Variants in HEATR5A observed in about 807,000 individuals in gnomAD.
HEATR5A encodes HEAT repeat-containing protein 5A.
A neutral mutation model predicts 218.8 loss-of-function variants in HEATR5A; 178 were observed. The observed-to-expected ratio is 0.81, with a 90% CI of 0.72 to 0.92. The LOEUF is 0.92. Ranked by LOEUF, HEATR5A falls within the 40% of genes least tolerant of loss-of-function variation. The probability of loss-of-function intolerance (pLI) is 0.00; values close to 1 mark genes in which losing one functional copy is unlikely to be tolerated. For missense variants in HEATR5A, 2,420 were observed against 2,418.9 expected, an observed-to-expected ratio of 1.00 and a Z score of -0.01; for synonymous variants, 864 against 871.6, an observed-to-expected ratio of 0.99 and a Z score of 0.15.
In HEATR5A at chr14:31,347,782, G is replaced by A. The variant is rs1192643258; in HGVS notation, c.2834C>T (p.Thr945Ile). The A allele has an allele frequency of 6.2e-7, 1 of 1,611,778 alleles. No individual in the cohort carries two copies. The highest frequency in any genetic ancestry group is 8.5e-7 in the Non-Finnish European group (1 of 1,179,076). ...AGGAGAAGTGCTGTCCTGCGCCAAA[G>A]TATAAAGGATTCCAATACAAGAATT... The part of the protein sequence containing the change: ...HLNSCIGILY[T>I]LAQDSTSPDV... Residue 945 changes from threonine (T) to isoleucine (I), a missense_variant, in exon 19 of 36, where the codon ACT becomes ATT. Physicochemically the swap from Thr to Ile is moderately conservative, Grantham distance 89 (BLOSUM62 -1). Coordinates refer to ENST00000543095, the MANE Select transcript of HEATR5A (RefSeq NM_015473.4).
At chr14:31,416,757 T>C (rs1446588803) in intron 1 of HEATR5A, among the ~76,000 whole-genome samples, 1 of 152,170 alleles carries the variant, frequency 6.6e-6, no homozygotes, top group African/African-American at 2.4e-5. Flanking sequence ...CTTCCAATAA[T>C]ATTCTGTCTG....
chr14:31,389,499 C>T (rs1402430193), intron 6 of HEATR5A, among the ~76,000 whole-genome samples: 3 of 152,172 alleles, frequency 2.0e-5, no homozygotes, highest in African/African-American at 7.2e-5. Context: ...GCTATTCCTT[C>T]AGTCTCTGAA....
intron 33 of HEATR5A, chr14:31,297,689 A>G (rs1899234863): frequency 6.6e-6 from 1 of 152,212 alleles, no homozygotes; most frequent in Non-Finnish European, 1.5e-5. Context: ...GTACACAGTT[A>G]ATATTTAAAG....
chr14:31,406,678 C>G (rs1427056775), intron 1 of HEATR5A, among the ~76,000 whole-genome samples: 1 of 152,172 alleles, frequency 6.6e-6, no homozygotes, highest in African/African-American at 2.4e-5. Context: ...AGAAGTTAGG[C>G]CAGGCCCAGT....
intron 13 of HEATR5A, chr14:31,371,442 C>T (rs116456196): frequency 0.012 from 1,926 of 155,330 alleles, 26 homozygotes; most frequent in African/African-American, 0.037. Flanking sequence ...TAATCATATA[C>T]GTATAACTCA....
intron 12 of HEATR5A, among the ~76,000 whole-genome samples, chr14:31,372,536 A>G (rs1362509207): frequency 3.9e-5 from 6 of 152,200 alleles, no homozygotes; most frequent in African/African-American, 1.2e-4. Context: ...GAGTATTTTA[A>G]AGTCAGACTG....
chr14:31,328,982 C>T (rs1308702201), intron 22 of HEATR5A, among the ~76,000 whole-genome samples: 4 of 151,770 alleles, frequency 2.6e-5, no homozygotes, highest in African/African-American at 4.8e-5. Flanking sequence ...GGGGAAGACG[C>T]ATGTCTTACA....
intron 16 of HEATR5A, among the ~76,000 whole-genome samples, chr14:31,351,736 A>G (rs948292836): frequency 2.6e-5 from 4 of 151,488 alleles, no homozygotes; most frequent in African/African-American, 9.7e-5. Context: ...CTCAGCCACC[A>G]AAGTACCTGG....
rs34227498 is a variant in HEATR5A, at chr14:31,365,853, TG to T, written c.1962-1556del. 2.0e-3 allele frequency among the ~76,000 whole-genome samples: 297 copies of T among 151,856 alleles called. 2 individuals carry two copies. Among genetic ancestry groups the T allele is most frequent in the African/African-American group, 6.9e-3 (287 of 41,374 alleles). On this transcript the variant is annotated intron_variant, in intron 13 of 35. Transcript: ENST00000543095. ...CTAATTTTTGTATTTTTTGTAGAGA[TG>T]GGGTTTCACCATGTTGCCCAGGCTG... is the stretch of plus-strand genomic sequence containing the variant.
chr14:31,326,607 A>G (rs974317744), intron 22 of HEATR5A, among the ~76,000 whole-genome samples: 1 of 152,158 alleles, frequency 6.6e-6, no homozygotes, highest in Non-Finnish European at 1.5e-5. Context: ...AATCAGGTAA[A>G]AAGTTTTACC....
Position 31,361,941 on chromosome 14 carries a change from A to AATTTATTT in HEATR5A, c.2071+2240_2071+2247dup, listed in dbSNP as rs55748961. 5.0e-3 allele frequency among the ~76,000 whole-genome samples: 745 copies of AATTTATTT among 149,432 alleles called. 8 individuals carry two copies. Among genetic ancestry groups the AATTTATTT allele is most frequent in the East Asian group, 0.014 (70 of 5,102 alleles). Reference sequence around the variant, plus strand: ...CATTGGAGGAACCAATAAAATCAGAAATTTATTTATTTATTTATTTATTTA... The same window carrying AATTTATTT: ...CATTGGAGGAACCAATAAAATCAGAAATTTATTTATTTATTTATTTATTTATTTATTTA... On this transcript the variant is annotated intron_variant, in intron 14 of 35. Transcript: ENST00000543095.
At chr14:31,339,181 A>C (rs1900761889) in intron 21 of HEATR5A, among the ~76,000 whole-genome samples, 1 of 149,288 alleles carries the variant, frequency 6.7e-6, no homozygotes, top group Non-Finnish European at 1.5e-5. Flanking sequence ...ATATGAGAAG[A>C]GGGCTGGGCA....
At chr14:31,348,204 TTTATCA>T (rs553660450) in intron 18 of HEATR5A, among the ~76,000 whole-genome samples, 58 of 152,318 alleles carry the variant, frequency 3.8e-4, no homozygotes, top group Admixed American at 1.2e-3. Context: ...TTATTATTAC[TTTATCA>T]TTAAGTTACA....
chr14:31,328,249 C>A (rs77121743), intron 22 of HEATR5A, among the ~76,000 whole-genome samples: 1 of 151,836 alleles, frequency 6.6e-6, no homozygotes, highest in African/African-American at 2.4e-5. Context: ...CTGTGCCTGG[C>A]CTTTGTGGGT....
At chr14:31,353,352 T>G (rs1267611503) in intron 16 of HEATR5A, among the ~76,000 whole-genome samples, 1 of 152,236 alleles carries the variant, frequency 6.6e-6, no homozygotes, top group Non-Finnish European at 1.5e-5. Flanking sequence ...GTATTGTATA[T>G]TCTGGCAACA....
At chr14:31,298,818 A>C (rs565129320) in intron 33 of HEATR5A, among the ~76,000 whole-genome samples, 5 of 152,032 alleles carry the variant, frequency 3.3e-5, no homozygotes, top group Middle Eastern at 3.4e-3. Context: ...TCACCTTAAA[A>C]AAAAGTTATC....
intron 25 of HEATR5A, among the ~76,000 whole-genome samples, chr14:31,319,707 C>A (rs998547191): frequency 2.0e-5 from 3 of 152,076 alleles, no homozygotes; most frequent in Admixed American, 6.6e-5. Flanking sequence ...TTCAATGGAC[C>A]AGTCAAATAA....
At chr14:31,413,385 CTTTTTTT>C (rs533855913) in intron 1 of HEATR5A, among the ~76,000 whole-genome samples, 5 of 127,958 alleles carry the variant, frequency 3.9e-5, no homozygotes, top group Non-Finnish European at 8.5e-5. Flanking sequence ...ACTCTGCCTT[CTTTTTTT>C]TTTTTTTTTT....
At chr14:31,346,088 G>A (rs569706750) in intron 19 of HEATR5A, among the ~76,000 whole-genome samples, 51 of 152,226 alleles carry the variant, frequency 3.4e-4, no homozygotes, top group African/African-American at 1.1e-3. Context: ...AAAATGAACT[G>A]AAAAAGTTTT....
Sources: gnomAD v4.1 joint callset for allele counts (sites outside exome capture counted in the v4.1 genomes callset) on GRCh38, gnomAD v4.1.1 for gene constraint, MANE v1.5 for transcripts, NCBI Gene and HGNC (gene_info 2026-07-23, HGNC 2026-07-21) for gene names.